The following PTPRT variants were observed in gnomAD, a reference collection of about 807,000 sequenced individuals.
PTPRT encodes the protein protein tyrosine phosphatase receptor type T, also known as receptor-type tyrosine-protein phosphatase T.
PTPRT carries 56 observed loss-of-function variants against 176.8 expected under a neutral mutation model. The observed-to-expected ratio is 0.32, with a 90% CI of 0.26 to 0.40. PTPRT has a LOEUF of 0.40. Among genes scored for constraint, PTPRT ranks in the 10% least tolerant of loss-of-function variants. PTPRT has a pLI of 1.00. For synonymous variants in PTPRT, 783 were observed against 739.0 expected, an observed-to-expected ratio of 1.06 and a Z score of -0.96; for missense variants, 1,540 against 1,908.2, an observed-to-expected ratio of 0.81 and a Z score of 3.60.
At chr20:42,425,465 G>A (rs1293272945) in intron 9 of PTPRT, among the ~76,000 whole-genome samples, 1 of 152,160 alleles carries the variant, frequency 6.6e-6, no homozygotes, top group Admixed American at 6.5e-5. Flanking sequence ...CTCCAAACTA[G>A]GGGGTGAAGA....
intron 2 of PTPRT, among the ~76,000 whole-genome samples, chr20:42,795,046 G>T (rs1194158287): frequency 6.6e-6 from 1 of 152,158 alleles, no homozygotes; most frequent in African/African-American, 2.4e-5. Context: ...GGCCCGCTTT[G>T]ATCAACAGGT....
chr20:43,178,221 T>C (rs2425614), intron 1 of PTPRT, among the ~76,000 whole-genome samples: 96,890 of 152,026 alleles, frequency 0.64, 33,899 homozygotes, highest in Non-Finnish European at 0.79. Context: ...TGGCCTCTAC[T>C]TCATCCCAGA....
At chr20:42,811,673 T>G (rs1233450485) in intron 2 of PTPRT, among the ~76,000 whole-genome samples, 1 of 152,152 alleles carries the variant, frequency 6.6e-6, no homozygotes, top group Admixed American at 6.5e-5. Flanking sequence ...TCTCTCAATT[T>G]CTCAGTTTTA....
At chr20:43,068,335 T>C (rs2011138915) in intron 1 of PTPRT, among the ~76,000 whole-genome samples, 1 of 150,326 alleles carries the variant, frequency 6.7e-6, no homozygotes, top group Admixed American at 6.6e-5. Flanking sequence ...AAACCCCTTA[T>C]CTACTAAAAA....
chr20:42,881,147 G>A (rs2079004935), intron 2 of PTPRT, among the ~76,000 whole-genome samples: 1 of 152,090 alleles, frequency 6.6e-6, no homozygotes, highest in African/African-American at 2.4e-5. Context: ...AACCAGCATT[G>A]ACTAACCCCT....
rs868625690 is a variant in PTPRT, at chr20:42,405,851, C to A, written c.1560+42369G>T. Among the ~76,000 whole-genome samples the A allele has an allele frequency of 2.6e-5, 4 of 152,178 alleles. No individual in the cohort carries two copies. The Middle Eastern group carries it at 0.01, about 388-fold the overall frequency. The stretch of plus-strand genomic sequence containing the variant: ...CTATTTCTCCACATCCTCTCCAGCG[C>A]CTGTTGTTTCCTGACTTTTTAATGA... On this transcript the variant is annotated intron_variant, in intron 9 of 30. Transcript: ENST00000373187.
At chr20:42,050,860 A>AT in the PTPRT span, among the ~76,000 whole-genome samples, 2 of 152,010 alleles carry the variant, frequency 1.3e-5, no homozygotes, top group African/African-American at 4.8e-5. Flanking sequence ...CCCACTGGCT[A>AT]TTACTGACAT....
intron 7 of PTPRT, among the ~76,000 whole-genome samples, chr20:42,560,533 G>T (rs896062412): frequency 6.6e-6 from 1 of 152,156 alleles, no homozygotes; most frequent in Non-Finnish European, 1.5e-5. Context: ...TCCTCTGGGG[G>T]AATATTGCCA....
At chr20:42,371,303 G>T (rs998944905) in intron 9 of PTPRT, among the ~76,000 whole-genome samples, 1 of 152,188 alleles carries the variant, frequency 6.6e-6, no homozygotes, top group Non-Finnish European at 1.5e-5. Flanking sequence ...CAGAGTCAAA[G>T]CACTGATTAT....
intron 2 of PTPRT, among the ~76,000 whole-genome samples, chr20:42,806,415 C>T (rs913059364): frequency 1.2e-4 from 17 of 144,532 alleles, no homozygotes; most frequent in South Asian, 2.3e-4. Flanking sequence ...ACCCAGGAGG[C>T]GGAGGTTGCA....
chr20:42,381,272 G>A (rs79514971), intron 9 of PTPRT, among the ~76,000 whole-genome samples: 296 of 152,292 alleles, frequency 1.9e-3, no homozygotes, highest in Non-Finnish European at 3.3e-3. Flanking sequence ...TTGAAGTTAG[G>A]TATGGCCAGA....
chr20:42,450,396 A>C (rs1379749879), intron 8 of PTPRT, among the ~76,000 whole-genome samples: 1 of 152,242 alleles, frequency 6.6e-6, no homozygotes, highest in Non-Finnish European at 1.5e-5. Flanking sequence ...ACTATTTAAA[A>C]AATTAAGTGC....
At chr20:42,038,477 G>A in the PTPRT span, among the ~76,000 whole-genome samples, 1 of 152,182 alleles carries the variant, frequency 6.6e-6, no homozygotes, top group Admixed American at 6.5e-5. Context: ...AGCAGGGCCT[G>A]GAAGGATGAG....
At chr20:42,378,115 G>A (rs2058667600) in intron 9 of PTPRT, among the ~76,000 whole-genome samples, 1 of 152,194 alleles carries the variant, frequency 6.6e-6, no homozygotes, top group African/African-American at 2.4e-5. Context: ...TTGATGAAAT[G>A]AAGTGTGTAT....
chr20:42,435,484 G>A (rs2059254320), intron 9 of PTPRT, among the ~76,000 whole-genome samples: 1 of 152,124 alleles, frequency 6.6e-6, no homozygotes, highest in East Asian at 1.9e-4. Flanking sequence ...CGTGCAATAA[G>A]CCTGAGACAG....
chr20:42,575,267 A>G (rs1043037864), intron 7 of PTPRT, among the ~76,000 whole-genome samples: 1 of 152,182 alleles, frequency 6.6e-6, no homozygotes, highest in Admixed American at 6.5e-5. Context: ...AAGCAAGGTC[A>G]AGGTTTTGGA....
chr20:42,582,703 C>G (rs960159713), intron 7 of PTPRT, among the ~76,000 whole-genome samples: 5 of 152,174 alleles, frequency 3.3e-5, no homozygotes, highest in Admixed American at 2.6e-4. Flanking sequence ...CAGGCATGCT[C>G]TGGTCAAGAG....
chr20:42,451,454 A>G (rs1386101198), intron 8 of PTPRT, among the ~76,000 whole-genome samples: 1 of 152,138 alleles, frequency 6.6e-6, no homozygotes, highest in Non-Finnish European at 1.5e-5. Context: ...ACTGGGGCCA[A>G]TGTTTGGAAA....
intron 1 of PTPRT, among the ~76,000 whole-genome samples, chr20:43,103,538 C>G (rs1045862424): frequency 2.0e-5 from 3 of 151,124 alleles, no homozygotes; most frequent in Non-Finnish European, 4.4e-5. Context: ...TGCCATAAAA[C>G]CCCACTTTGG....
Sources: gnomAD v4.1 joint callset for allele counts (sites outside exome capture counted in the v4.1 genomes callset) on GRCh38, gnomAD v4.1.1 for gene constraint, MANE v1.5 for transcripts, NCBI Gene and HGNC (gene_info 2026-07-23, HGNC 2026-07-21) for gene names.